BRWD3: variants seen among roughly 807,000 people sequenced by gnomAD.
BRWD3 encodes bromodomain and WD repeat-containing protein 3.
In BRWD3, 10 loss-of-function variants were observed where a neutral mutation model predicts 149.7. The ratio of observed to expected loss-of-function variants is 0.07; its 90% CI spans 0.04 to 0.11. The LOEUF is 0.11. BRWD3 is among the 10% of genes least tolerant of loss of function. BRWD3 has a pLI of 1.00. For synonymous variants in BRWD3, 504 were observed against 456.7 expected (o/e 1.10, Z -1.32); for missense variants, 940 against 1,373.2 (o/e 0.68, Z 4.99).
intron 6 of BRWD3, among the ~76,000 whole-genome samples, chrX:80,770,685 C>G (rs778059746): frequency 2.5e-3 from 282 of 112,054 alleles, no homozygotes; most frequent in Non-Finnish European, 3.4e-3. Context: ...CCTTTGAAAA[C>G]TGGGACAAGA....
intron 6 of BRWD3, among the ~76,000 whole-genome samples, chrX:80,791,005 T>C (rs764318515): frequency 8.9e-6 from 1 of 112,101 alleles, no homozygotes; most frequent in East Asian, 2.8e-4. Context: ...GAGTATCCAA[T>C]TTCCCTGAAT....
intron 8 of BRWD3, 128 bp downstream of exon 8, chrX:80,743,904 G>A: frequency 4.0e-6 from 2 of 498,024 alleles, no homozygotes; most frequent in Non-Finnish European, 6.5e-6. Context: ...CAGGGTAGGA[G>A]CAAAGTCCAG....
chrX:80,716,912 A>G (rs2073081089), intron 19 of BRWD3: 2 of 111,520 alleles, frequency 1.8e-5, no homozygotes, highest in Non-Finnish European at 3.8e-5. Context: ...TATAGCAGAA[A>G]GCAGAAGAAA....
rs2072357114 is a variant in BRWD3 at position 80,675,627 on chromosome X, TAGTC to T, written c.*978_*981del. 1 of 112,090 alleles carries T rather than the reference TAGTC, an allele frequency of 8.9e-6. No homozygotes were observed. The highest frequency in any genetic ancestry group is 3.2e-5 in the African/African-American group (1 of 30,884). The allele number at this position is 112,090 out of a possible 1,213,427, so 9.2% of individuals were successfully genotyped here. On this transcript the variant is annotated 3_prime_UTR_variant, in exon 41 of 41. Coordinates refer to ENST00000373275, the MANE Select transcript of BRWD3 (RefSeq NM_153252.5). ...CTACTAAGCTTGTTCTATTTCTCCT[TAGTC>T]AGTAAGGAATAACAGCATCTATTTT...
chrX:80,713,290 C>G (rs1334093540), intron 20 of BRWD3, among the ~76,000 whole-genome samples: 1 of 111,790 alleles, frequency 8.9e-6, no homozygotes, highest in Admixed American at 9.3e-5. Flanking sequence ...CGGATGGTTG[C>G]TGTGTCTGTG....
chrX:80,762,989 C>T (rs1013260013), intron 6 of BRWD3, among the ~76,000 whole-genome samples: 4 of 110,394 alleles, frequency 3.6e-5, no homozygotes, highest in African/African-American at 1.3e-4. Context: ...GAATAGTGAT[C>T]GCTACTATAA....
At chrX:80,804,398 C>T (rs1421159363) in intron 4 of BRWD3, among the ~76,000 whole-genome samples, 1 of 110,146 alleles carries the variant, frequency 9.1e-6, no homozygotes, top group South Asian at 3.9e-4. Flanking sequence ...CTACCACACC[C>T]GGCTAATGTT....
chrX:80,690,846 C>T (rs1232724926), intron 31 of BRWD3, among the ~76,000 whole-genome samples: 1 of 111,098 alleles, frequency 9.0e-6, no homozygotes, highest in Non-Finnish European at 1.9e-5. Context: ...TTTGTACTAC[C>T]CATATATTCC....
chrX:80,733,835 AATTTT>A (rs1239292782), intron 11 of BRWD3, among the ~76,000 whole-genome samples: 2 of 111,554 alleles, frequency 1.8e-5, no homozygotes, highest in Admixed American at 1.9e-4. Flanking sequence ...TTTTACACAT[AATTTT>A]ATTAATGTTT....
Position 80,710,497 on chromosome X carries a change from T to C in BRWD3, c.2326-920A>G. The C allele has an allele frequency of 7.7e-6, 3 of 391,659 alleles. No individual in the cohort carries two copies. In the Admixed American group the frequency reaches 8.8e-5, roughly 11 times the overall value. The allele number at this position is 391,659 out of a possible 1,213,427, so 32.3% of individuals were successfully genotyped here. A position where few individuals can be genotyped will look rare whatever the true frequency, so the allele number is the denominator to read the frequency against. ...ACTGGTTAAACATGGTCTGCATGCCTGAAGAGAGACAATTCCTGCAGAACA... is the reference window on the plus strand; with the variant it reads ...ACTGGTTAAACATGGTCTGCATGCCCGAAGAGAGACAATTCCTGCAGAACA... On this transcript the variant is annotated intron_variant, in intron 20 of 40. Coordinates refer to ENST00000373275, the MANE Select transcript of BRWD3 (RefSeq NM_153252.5).
intron 6 of BRWD3, among the ~76,000 whole-genome samples, chrX:80,750,506 C>A (rs989026926): frequency 1.8e-5 from 2 of 110,837 alleles, no homozygotes; most frequent in African/African-American, 6.6e-5. Context: ...CAGGGACATG[C>A]AAATTAAAGG....
chrX:80,783,008 A>T (rs2074071457), intron 6 of BRWD3, among the ~76,000 whole-genome samples: 1 of 111,821 alleles, frequency 8.9e-6, no homozygotes, highest in Admixed American at 9.6e-5. Flanking sequence ...ATCTGAATAG[A>T]CATTTCTCAA....
chrX:80,702,067 T>C (rs891823566), intron 24 of BRWD3, among the ~76,000 whole-genome samples: 2 of 112,142 alleles, frequency 1.8e-5, no homozygotes, highest in Non-Finnish European at 3.8e-5. Context: ...TAAGAAGCAA[T>C]GATCTGTATG....
intron 6 of BRWD3, among the ~76,000 whole-genome samples, chrX:80,746,508 A>T (rs983390422): frequency 1.8e-5 from 2 of 111,283 alleles, no homozygotes; most frequent in Admixed American, 1.9e-4. Context: ...CATGCTAAAA[A>T]ACAAATCTTG....
Position 80,716,766 on chromosome X carries a change from T to C in BRWD3, c.2232-516A>G, listed in dbSNP as rs923277577. 3 of 119,069 alleles carry C rather than the reference T, an allele frequency of 2.5e-5. No homozygotes were observed. The Admixed American group carries it at 2.6e-4, about 10-fold the overall frequency. 9.8% of individuals were successfully genotyped at this position (119,069 alleles called of 1,213,427 possible). Reference sequence around the variant, plus strand: ...TCCACCATTTGGTTATTGTGAATAATGCCACATTTAACAGTGGTATACAAA... The same window carrying C: ...TCCACCATTTGGTTATTGTGAATAACGCCACATTTAACAGTGGTATACAAA... On this transcript the variant is annotated intron_variant, in intron 19 of 40. Transcript: ENST00000373275.
chrX:80,789,520 C>T (rs757322994), intron 6 of BRWD3, among the ~76,000 whole-genome samples: 31 of 111,548 alleles, frequency 2.8e-4, no homozygotes, highest in South Asian at 1.1e-3. Context: ...GGACTACAGG[C>T]GCGTGCCACC....
At chrX:80,692,805 T>C (rs960212863) in intron 28 of BRWD3, 135 bp downstream of exon 28, 5 of 505,996 alleles carry the variant, frequency 9.9e-6, no homozygotes, top group Admixed American at 3.5e-5. Context: ...TACCATCAAA[T>C]TTCTTCTTTA....
intron 6 of BRWD3, among the ~76,000 whole-genome samples, chrX:80,772,162 C>T (rs1287712341): frequency 2.7e-5 from 3 of 111,796 alleles, no homozygotes; most frequent in African/African-American, 6.5e-5. Context: ...TAAAGACACA[C>T]GCACACGTAT....
chrX:80,796,499 T>C (rs922497900), intron 4 of BRWD3, among the ~76,000 whole-genome samples: 4 of 111,978 alleles, frequency 3.6e-5, no homozygotes, highest in African/African-American at 1.3e-4. Context: ...CTTTTTTGTT[T>C]TCCTAGGAAA....
Sources: gnomAD v4.1 joint callset for allele counts (sites outside exome capture counted in the v4.1 genomes callset) on GRCh38, gnomAD v4.1.1 for gene constraint, MANE v1.5 for transcripts, NCBI Gene and HGNC (gene_info 2026-07-23, HGNC 2026-07-21) for gene names.